MYRIP: variants seen among roughly 807,000 people sequenced by gnomAD.
MYRIP encodes rab effector MyRIP.
A neutral mutation model predicts 98.0 loss-of-function variants in MYRIP; 49 were observed. The ratio of observed to expected loss-of-function variants is 0.50; its 90% confidence interval spans 0.40 to 0.63. MYRIP has a LOEUF of 0.63. MYRIP is among the 30% of genes least tolerant of loss of function. The pLI is 0.00. For synonymous variants in MYRIP, 404 were observed against 409.5 expected (o/e 0.99, Z 0.16); for missense variants, 1,004 against 1,058.2 (o/e 0.95, Z 0.71).
chr3:39,988,226 G>A (rs1946083395), intron 2 of MYRIP, among the ~76,000 whole-genome samples: 1 of 151,920 alleles, frequency 6.6e-6, no homozygotes, highest in Admixed American at 6.6e-5. Flanking sequence ...CGAGTTAATG[G>A]GTGCAGCACA....
chr3:40,019,536 A>ACTTTGTT (rs1473975932), intron 2 of MYRIP, among the ~76,000 whole-genome samples: 4 of 152,004 alleles, frequency 2.6e-5, no homozygotes, highest in African/African-American at 9.7e-5. Context: ...TGTACCTCGG[A>ACTTTGTT]CTTTGTTCTG....
intron 2 of MYRIP, among the ~76,000 whole-genome samples, chr3:39,965,096 A>G (rs1945410286): frequency 6.6e-6 from 1 of 152,090 alleles, no homozygotes; most frequent in African/African-American, 2.4e-5. Context: ...ATAATTCTTT[A>G]TAATTTTTTC....
chr3:40,250,409 G>A (rs774607810), intron 14 of MYRIP, 30 bp from the exon 15 acceptor site: 4 of 1,613,956 alleles, frequency 2.5e-6, no homozygotes. Context: ...GCTCTGCAAA[G>A]GTATATTGCT....
chr3:40,009,965 G>A (rs13326400), intron 2 of MYRIP, among the ~76,000 whole-genome samples: 15,375 of 152,176 alleles, frequency 0.1, 1,356 homozygotes, highest in African/African-American at 0.23. Flanking sequence ...CATTTTCTCA[G>A]TAAAGATGAT....
Position 40,258,295 on chromosome 3 carries a change from A to G in MYRIP, c.*129A>G. 9.2e-7 allele frequency: 1 copy of G among 1,085,584 alleles called. No homozygotes were observed. Among genetic ancestry groups the G allele is most frequent in the African/African-American group, 1.5e-5 (1 of 64,982 alleles). The allele number at this position is 1,085,584 out of a possible 1,614,324, so 67.2% of individuals were successfully genotyped here. On this transcript the variant is annotated 3_prime_UTR_variant, in exon 17 of 17. Transcript: ENST00000302541. ...AGGCCTGGGGAGGCCACAGTGCACCATTGCACAGGGCTGTCCTGATACCTC... is the reference window on the plus strand; with the variant it reads ...AGGCCTGGGGAGGCCACAGTGCACCGTTGCACAGGGCTGTCCTGATACCTC...
At chr3:40,249,636 ACT>A (rs924312972) in intron 13 of MYRIP, among the ~76,000 whole-genome samples, 1 of 151,958 alleles carries the variant, frequency 6.6e-6, no homozygotes, top group African/African-American at 2.4e-5. Context: ...CTGCATTCAG[ACT>A]CTGCTGAAAG....
chr3:39,919,399 G>GT (rs1279223598), intron 2 of MYRIP, among the ~76,000 whole-genome samples: 1 of 152,188 alleles, frequency 6.6e-6, no homozygotes, highest in African/African-American at 2.4e-5. Context: ...TTCTTGTGCA[G>GT]TATCTCTAAG....
rs375052041 is a variant in MYRIP at position 40,167,126 on chromosome 3, C to G, written c.649-33C>G. 5 of 1,607,604 alleles carry G rather than the reference C, an allele frequency of 3.1e-6. No homozygotes were observed. In the East Asian group the frequency reaches 1.1e-4, roughly 36 times the overall value. ...GACTGCCAAGTCACCCCAAATCCAC[C>G]CACAGCACACAGCCATTCTCTTCCC... On this transcript the variant is annotated intron_variant, in intron 6 of 16. Transcript: ENST00000302541.
intron 1 of MYRIP, among the ~76,000 whole-genome samples, chr3:39,824,822 C>T (rs1161660092): frequency 6.6e-6 from 1 of 151,864 alleles, no homozygotes; most frequent in Non-Finnish European, 1.5e-5. Flanking sequence ...CTTAAGTGGT[C>T]TTCTTGCCTC....
At chr3:40,189,782 T>G in intron 9 of MYRIP, 44 bp from the exon 10 acceptor site, 1 of 1,535,728 alleles carries the variant, frequency 6.5e-7, no homozygotes, top group Non-Finnish European at 8.7e-7. Context: ...TGCATTAAAG[T>G]GATAACAGCC....
At chr3:39,953,508 C>T (rs937941077) in intron 2 of MYRIP, among the ~76,000 whole-genome samples, 2 of 152,072 alleles carry the variant, frequency 1.3e-5, no homozygotes, top group Non-Finnish European at 2.9e-5. Flanking sequence ...TTGCTATTAA[C>T]AAAATCTGTA....
At chr3:40,090,866 C>A (rs1027793988) in intron 3 of MYRIP, among the ~76,000 whole-genome samples, 4 of 152,114 alleles carry the variant, frequency 2.6e-5, no homozygotes, top group African/African-American at 7.2e-5. Flanking sequence ...GGCTGTGGAA[C>A]CTTAAGTAGG....
At chr3:39,903,104 A>G (rs1349970102) in intron 2 of MYRIP, among the ~76,000 whole-genome samples, 1 of 152,238 alleles carries the variant, frequency 6.6e-6, no homozygotes, top group East Asian at 1.9e-4. Context: ...GACCAGTGAC[A>G]TGCCTTGATA....
intron 1 of MYRIP, among the ~76,000 whole-genome samples, chr3:39,889,336 A>G (rs1473887592): frequency 6.6e-6 from 1 of 152,214 alleles, no homozygotes; most frequent in African/African-American, 2.4e-5. Flanking sequence ...ACACCATGGA[A>G]TATTATGCAG....
Position 40,170,109 on chromosome 3 carries a change from G to A in MYRIP, c.873+16G>A. On this transcript the variant is annotated intron_variant, in intron 8 of 16. Coordinates refer to ENST00000302541, the MANE Select transcript of MYRIP (RefSeq NM_015460.4). ...TGCCCTCTGGGTGAGTCCCCAAGCA[G>A]TGCTGGTCTACCCTCCACACGTGCA... 1 of 1,613,676 alleles carries A rather than the reference G, an allele frequency of 6.2e-7. No individual in the cohort carries two copies. Among genetic ancestry groups the A allele is most frequent in the Non-Finnish European group, 8.5e-7 (1 of 1,179,886 alleles).
chr3:40,211,065 T>C (rs1951914916), intron 11 of MYRIP, among the ~76,000 whole-genome samples: 1 of 152,144 alleles, frequency 6.6e-6, no homozygotes, highest in Non-Finnish European at 1.5e-5. Context: ...GCAGCCCATT[T>C]TTGCAGAAGA....
rs117563526 is a variant in MYRIP at position 39,910,812 on chromosome 3, G to A, written c.110+9886G>A. Among the ~76,000 whole-genome samples, 41 of 152,222 alleles carry A rather than the reference G, an allele frequency of 2.7e-4. No homozygotes were observed. The East Asian group carries it at 7.9e-3, about 29-fold the overall frequency. On this transcript the variant is annotated intron_variant, in intron 2 of 16. Transcript: ENST00000302541. ...CTGGTCTGAAATGCAAGATTAAGCA[G>A]TTTGGGATTTATTAAACCAAAAAGT...
chr3:40,058,271 T>C (rs1369168530), intron 3 of MYRIP, among the ~76,000 whole-genome samples: 2 of 152,154 alleles, frequency 1.3e-5, no homozygotes, highest in African/African-American at 2.4e-5. Context: ...GATCATACAG[T>C]GAATGTTTGA....
At chr3:40,215,648 G>C (rs2125675380) in intron 11 of MYRIP, among the ~76,000 whole-genome samples, 1 of 152,182 alleles carries the variant, frequency 6.6e-6, no homozygotes, top group East Asian at 1.9e-4. Context: ...AAGTATCGTT[G>C]TCTATATATG....
Sources: allele counts gnomAD v4.1 joint callset (sites outside exome capture counted in the v4.1 genomes callset), GRCh38; gene constraint gnomAD v4.1.1; transcripts MANE v1.5; gene names NCBI Gene and HGNC (gene_info 2026-07-23, HGNC 2026-07-21).